The following TDRD9 variants were observed in gnomAD, a reference collection of about 807,000 sequenced individuals.
TDRD9 encodes ATP-dependent RNA helicase TDRD9.
Under a neutral mutation model 172.6 loss-of-function variants are expected in TDRD9, and 124 were observed. The observed-to-expected ratio is 0.72, with a 90% CI of 0.62 to 0.83. The LOEUF is 0.83. Among genes scored for constraint, TDRD9 ranks in the 40% least tolerant of loss-of-function variants. TDRD9 has a pLI of 0.00. For missense variants in TDRD9, 1,479 were observed against 1,714.1 expected, an observed-to-expected ratio of 0.86 and a Z score of 2.42; for synonymous variants, 619 against 617.1, an observed-to-expected ratio of 1.00 and a Z score of -0.05.
intron 5 of TDRD9, among the ~76,000 whole-genome samples, chr14:103,967,840 G>C (rs1302315038): frequency 2.0e-5 from 3 of 152,208 alleles, no homozygotes; most frequent in South Asian, 2.1e-4. Flanking sequence ...GACAAATTCA[G>C]ATTTAATAGA....
intron 1 of TDRD9, among the ~76,000 whole-genome samples, chr14:103,938,135 G>A (rs74477508): frequency 0.023 from 3,478 of 152,090 alleles, 77 homozygotes; most frequent in East Asian, 0.071. Context: ...GAATGCACTC[G>A]TAGTGCTTAG....
Position 104,031,246 on chromosome 14 carries a change from G to A in TDRD9, c.3421G>A (p.Gly1141Ser), listed in dbSNP as rs2035270676. 6.4e-7 allele frequency: 1 copy of A among 1,551,196 alleles called. No homozygotes were observed. Among genetic ancestry groups the A allele is most frequent in the East Asian group, 2.4e-5 (1 of 40,912 alleles). The change falls in exon 29 of 36, where the codon GGT becomes AGT. Residue 1141 changes from glycine (G) to serine (S), a missense_variant. Around this residue, in one of 3 missense-constraint regions of TDRD9, gnomAD observed 1,413 missense variants for 1,649.1 expected, o/e 0.86. Coordinates refer to ENST00000409874, the MANE Select transcript of TDRD9 (RefSeq NM_153046.3). ...AGAGAGCTTTTCTACCAATAAACTG[G>A]GTACTCCAAACTGTAAGGTGATTGT... ...LLESFSTNKL[G>S]TPNCKAELHG...
chr14:104,033,694 G>A (rs535261709), intron 30 of TDRD9, among the ~76,000 whole-genome samples: 3 of 152,240 alleles, frequency 2.0e-5, no homozygotes, highest in Admixed American at 2.0e-4. Context: ...CCCAGCGTGT[G>A]CGTGGTTCCT....
chr14:104,006,179 A>G (rs936589120), intron 15 of TDRD9, among the ~76,000 whole-genome samples: 1 of 152,192 alleles, frequency 6.6e-6, no homozygotes, highest in African/African-American at 2.4e-5. Context: ...TCCCAGGATC[A>G]TACTTTTAAA....
Position 103,993,122 on chromosome 14 carries a change from C to T in TDRD9, c.1181-1210C>T, listed in dbSNP as rs1279780726. Among the ~76,000 whole-genome samples the T allele has an allele frequency of 2.8e-5, 4 of 143,422 alleles. No homozygotes were observed. The East Asian group carries it at 8.2e-4, about 29-fold the overall frequency. 94.1% of individuals were successfully genotyped at this position (143,422 alleles called of 152,430 possible). ...GTAGCTGGGACTGCAGGCATGCACC[C>T]CCATGCCTGGCCAAATTTTTTTTTT... is the stretch of plus-strand genomic sequence containing the variant. On this transcript the variant is annotated intron_variant, in intron 9 of 35. Coordinates refer to ENST00000409874, the MANE Select transcript of TDRD9 (RefSeq NM_153046.3).
At position 104,022,340 on chromosome 14, in the gene TDRD9, G is replaced by A. The variant is rs1219159141; in HGVS notation, c.2606+10G>A. On this transcript the variant is annotated intron_variant, in intron 24 of 35. Coordinates refer to ENST00000409874, the MANE Select transcript of TDRD9 (RefSeq NM_153046.3). Reference sequence around the variant, plus strand: ...AGCTCAGGAACACAAGGTATTTTCGGGAGGGAGGTGGCAGACAGGCCGTGC... The same window carrying A: ...AGCTCAGGAACACAAGGTATTTTCGAGAGGGAGGTGGCAGACAGGCCGTGC... 3 of 1,607,402 alleles carry A rather than the reference G, an allele frequency of 1.9e-6. No individual in the cohort carries two copies. Among genetic ancestry groups the A allele is most frequent in the East Asian group, 2.2e-5 (1 of 44,712 alleles).
intron 21 of TDRD9, among the ~76,000 whole-genome samples, chr14:104,015,110 G>T (rs1274387351): frequency 6.6e-6 from 1 of 152,070 alleles, no homozygotes; most frequent in African/African-American, 2.4e-5. Flanking sequence ...ATTTCCAGGG[G>T]AGTGTTTCTA....
In TDRD9 at chr14:103,978,859, G is replaced by A. The variant is rs187591500; in HGVS notation, c.1011+3306G>A. Among the ~76,000 whole-genome samples, 377 of 152,226 alleles carry A rather than the reference G, an allele frequency of 2.5e-3. 4 individuals are homozygous for A. Among genetic ancestry groups the A allele is most frequent in the African/African-American group, 8.8e-3 (366 of 41,520 alleles). On this transcript the variant is annotated intron_variant, in intron 7 of 35. Coordinates refer to ENST00000409874, the MANE Select transcript of TDRD9 (RefSeq NM_153046.3). ...AGTGATGTGATACATACAATGCATG[G>A]TGATGAGCTCAGTGTAACTAGCATA...
At chr14:103,995,640 C>T (rs1319461755) in intron 11 of TDRD9, 110 bp from the exon 12 acceptor site, 2 of 934,428 alleles carry the variant, frequency 2.1e-6, no homozygotes, top group African/African-American at 3.3e-5. Flanking sequence ...AACCTGAGTT[C>T]AGTATTTACA....
At chr14:103,987,123 TACACACACACACAC>T (rs143714763) in intron 8 of TDRD9, among the ~76,000 whole-genome samples, 10 of 145,796 alleles carry the variant, frequency 6.9e-5, no homozygotes, top group African/African-American at 1.5e-4. Context: ...AAAAAATATA[TACACACACACACAC>T]ACACACACAC....
rs1448808865 is a variant in TDRD9, at chr14:103,980,330, A to G, written c.1011+4777A>G. On this transcript the variant is annotated intron_variant, in intron 7 of 35. Transcript: ENST00000409874. The surrounding 1 kb of genome is among the most constrained non-coding windows in gnomAD (Gnocchi z 4.5). ...AGGGGCAGGGTAAGGAGTGTGAGCC[A>G]TCTCCAATGATAGGTAAGGTCATGT... is the stretch of plus-strand genomic sequence containing the variant. Among the ~76,000 whole-genome samples the G allele has an allele frequency of 1.3e-5, 2 of 152,084 alleles. No individual in the cohort carries two copies. Among genetic ancestry groups the G allele is most frequent in the Admixed American group, 6.5e-5 (1 of 15,274 alleles).
chr14:103,941,056 A>G (rs766715331), intron 1 of TDRD9: 46 of 1,535,194 alleles, frequency 3.0e-5, no homozygotes, highest in Non-Finnish European at 3.7e-5. Context: ...GAAGATGTAG[A>G]CTATTTCCCA....
At chr14:103,956,097 AAAAAAAAAAAAAAAATATATATAT>A (rs2032186707) in intron 2 of TDRD9, among the ~76,000 whole-genome samples, 2 of 51,010 alleles carry the variant, frequency 3.9e-5, no homozygotes, top group African/African-American at 1.7e-4. Flanking sequence ...AAAAAAAAAA[AAAAAAAAAAAAAAAATATATATAT>A]ATATATATAT....
Position 103,970,584 on chromosome 14 carries a change from T to G in TDRD9, c.809T>G (p.Val270Gly), listed in dbSNP as rs1215723575. ...GAAATGGATTTCCTGCTATTGGTAG[T>G]CCGCAAACTCTTAAGAACAAATTCA... ...TEEMDFLLLV[V>G]RKLLRTNSRF... Residue 270 changes from valine to glycine, a missense_variant, in exon 6 of 36, where the codon GTC becomes GGC. By Grantham distance (109) the Val-to-Gly change is moderately radical (BLOSUM62 -3). This residue lies in a region of TDRD9 where 1,413 missense variants were observed against 1,649.1 expected (regional missense o/e 0.86). Transcript: ENST00000409874. The G allele has an allele frequency of 4.5e-6, 7 of 1,551,562 alleles. No individual in the cohort carries two copies.
At position 103,994,701 on chromosome 14, in the gene TDRD9, G is replaced by A. The variant is rs183623137; in HGVS notation, c.1320+98G>A. ...ATTTTCTGGGTGTCGTGGCTCATGC[G>A]TGTGTTTCCAGCACTGTGAGAGGCT... is the stretch of plus-strand genomic sequence containing the variant. On this transcript the variant is annotated intron_variant, in intron 11 of 35. Transcript: ENST00000409874. 7.8e-5 allele frequency: 76 copies of A among 979,440 alleles called. No homozygotes were observed. In the East Asian group the frequency reaches 1.3e-3, roughly 17 times the overall value. 60.7% of individuals were successfully genotyped at this position (979,440 alleles called of 1,614,324 possible).
chr14:103,928,602 C>A lies in TDRD9; in HGVS notation c.93C>A (p.Ala31=). The change falls in exon 1 of 36, where the codon GCC becomes GCA. Residue 31 remains alanine, a synonymous_variant. Transcript: ENST00000409874. ...TNVELLGAPP[A]FPAGAAREEV... is the part of the protein sequence containing the mutation. ...TGGAGCTGCTGGGCGCGCCGCCCGC[C>A]TTCCCGGCAGGGGCGGCCAGGGAGG... 7.4e-7 allele frequency: 1 copy of A among 1,342,640 alleles called. No homozygotes were observed. Among genetic ancestry groups the A allele is most frequent in the Non-Finnish European group, 9.7e-7 (1 of 1,028,630 alleles). 83.2% of individuals were successfully genotyped at this position (1,342,640 alleles called of 1,614,324 possible).
intron 1 of TDRD9, among the ~76,000 whole-genome samples, chr14:103,953,457 TAGAC>T (rs1337291440): frequency 4.6e-5 from 7 of 152,330 alleles, no homozygotes; most frequent in South Asian, 2.1e-4. Flanking sequence ...TAAAGTGTAT[TAGAC>T]AGGATTCTCC....
At chr14:103,999,643 A>ACATTTAATGTTTTAATCTTCCT (rs1566771643) in intron 13 of TDRD9, among the ~76,000 whole-genome samples, 1 of 130,468 alleles carries the variant, frequency 7.7e-6, no homozygotes, top group African/African-American at 3.0e-5. Context: ...TGTTTTTTAG[A>ACATTTAATGTTTTAATCTTCCT]AAACCTTTTG....
intron 32 of TDRD9, among the ~76,000 whole-genome samples, chr14:104,037,533 T>G (rs1184474058): frequency 3.3e-5 from 5 of 152,226 alleles, no homozygotes; most frequent in Non-Finnish European, 7.3e-5. Flanking sequence ...TGTACAATAG[T>G]GGCAGGAAAG....
Sources: allele counts gnomAD v4.1 joint callset (sites outside exome capture counted in the v4.1 genomes callset), GRCh38; gene constraint gnomAD v4.1.1; regional missense constraint gnomAD v4.1.1; non-coding constraint Gnocchi (gnomAD v3.1); transcripts MANE v1.5; gene names NCBI Gene and HGNC (gene_info 2026-07-23, HGNC 2026-07-21).